XPO7: variants seen among roughly 807,000 people sequenced by gnomAD.
The protein encoded by XPO7 is exportin 7.
In XPO7, 21 loss-of-function variants were observed where a neutral mutation model predicts 144.3. The observed-to-expected ratio is 0.15, with a 90% CI of 0.10 to 0.21. The LOEUF (loss-of-function observed/expected upper bound fraction) is 0.21, where lower values mean the gene tolerates loss of function less well. Ranked by LOEUF, XPO7 falls within the 10% of genes least tolerant of loss-of-function variation. The probability of loss-of-function intolerance (pLI) is 1.00; values close to 1 mark genes in which losing one functional copy is unlikely to be tolerated. For synonymous variants in XPO7, 580 were observed against 499.6 expected (o/e 1.16, Z -2.15); for missense variants, 808 against 1,325.8 (o/e 0.61, Z 6.06).
intron 1 of XPO7, among the ~76,000 whole-genome samples, chr8:21,932,844 G>A (rs1385486711): frequency 1.3e-5 from 2 of 152,156 alleles, no homozygotes; most frequent in African/African-American, 4.8e-5. Flanking sequence ...GTGTATACAT[G>A]AGTAAATAAC....
At chr8:21,999,042 C>T (rs1398784402) in intron 22 of XPO7, 49 bp from the exon 23 acceptor site, 17 of 1,603,216 alleles carry the variant, frequency 1.1e-5, no homozygotes, top group East Asian at 2.2e-5. Flanking sequence ...CTGATCTAAA[C>T]GAGCGCTTCT....
chr8:21,990,737 TTC>T, intron 17 of XPO7, 72 bp from the exon 18 acceptor site: 1 of 1,451,628 alleles, frequency 6.9e-7, no homozygotes, highest in Non-Finnish European at 9.6e-7. Context: ...GGCTCAGTAA[TTC>T]TCTGATTACT....
chr8:21,920,033 C>T (rs921441968), intron 1 of XPO7, among the ~76,000 whole-genome samples: 3 of 151,586 alleles, frequency 2.0e-5, no homozygotes, highest in Non-Finnish European at 2.9e-5. Flanking sequence ...GGGACAGGAA[C>T]GGGCATCCCG....
intron 1 of XPO7, among the ~76,000 whole-genome samples, chr8:21,942,593 C>T (rs952921271): frequency 3.3e-5 from 5 of 152,108 alleles, no homozygotes; most frequent in Admixed American, 1.3e-4. Context: ...ACATAGATAA[C>T]GTAGTTTGAA....
chr8:21,985,065 C>T (rs966170193), intron 12 of XPO7, among the ~76,000 whole-genome samples: 2 of 98,372 alleles, frequency 2.0e-5, no homozygotes, highest in African/African-American at 5.3e-5. Context: ...GATGAGGTCT[C>T]GCTATGTTGC....
At chr8:21,973,757 C>G (rs981896471) in intron 5 of XPO7, among the ~76,000 whole-genome samples, 9 of 152,156 alleles carry the variant, frequency 5.9e-5, no homozygotes, top group Admixed American at 3.3e-4. Context: ...TTATTTTATT[C>G]CACATATTGA....
chr8:21,960,402 C>G (rs1484794445), intron 1 of XPO7, among the ~76,000 whole-genome samples: 1 of 152,194 alleles, frequency 6.6e-6, no homozygotes, highest in Admixed American at 6.5e-5. Context: ...CTGGTGAGCA[C>G]TTAAGAGAAT....
At chr8:21,934,442 A>G (rs557725824) in intron 1 of XPO7, among the ~76,000 whole-genome samples, 16 of 152,270 alleles carry the variant, frequency 1.1e-4, no homozygotes, top group African/African-American at 3.9e-4. Flanking sequence ...CTGAGGCAGG[A>G]GAATCACTTG....
chr8:21,966,356 T>G (rs1229310985), intron 1 of XPO7: 3 of 778,194 alleles, frequency 3.9e-6, no homozygotes, highest in Non-Finnish European at 7.2e-6. Context: ...GGTTTTCTCG[T>G]ACAGGTGACC....
intron 1 of XPO7, among the ~76,000 whole-genome samples, chr8:21,922,894 T>C (rs1810335428): frequency 2.0e-5 from 3 of 152,290 alleles, no homozygotes; most frequent in Middle Eastern, 3.4e-3. Context: ...GTAGTCATAG[T>C]TTGTTTTAAA....
intron 1 of XPO7, among the ~76,000 whole-genome samples, chr8:21,954,448 G>A (rs1054973814): frequency 4.5e-4 from 69 of 152,052 alleles, no homozygotes; most frequent in Non-Finnish European, 2.6e-4. Context: ...AGCCTGACCA[G>A]CATGGTGAAA....
chr8:21,938,087 CAG>C (rs561212403), intron 1 of XPO7, among the ~76,000 whole-genome samples: 5 of 151,938 alleles, frequency 3.3e-5, no homozygotes, highest in South Asian at 2.1e-4. Flanking sequence ...TTTAATGTAA[CAG>C]ATATTAACAA....
chr8:21,987,363 A>C, intron 14 of XPO7, 87 bp downstream of exon 14: 1 of 1,560,230 alleles, frequency 6.4e-7, no homozygotes, highest in Non-Finnish European at 8.8e-7. Flanking sequence ...GATAGTTCAC[A>C]TAACCTCCAG....
chr8:21,977,649 A>G (rs1812270218), intron 7 of XPO7, 121 bp from the exon 8 acceptor site: 2 of 908,078 alleles, frequency 2.2e-6, no homozygotes, highest in African/African-American at 1.7e-5. Flanking sequence ...TCCAAAGGAA[A>G]TAAATACTCT....
At chr8:21,996,632 C>T (rs1812958211) in intron 21 of XPO7, among the ~76,000 whole-genome samples, 1 of 151,968 alleles carries the variant, frequency 6.6e-6, no homozygotes, top group Admixed American at 6.6e-5. Context: ...GTGGCAGGAT[C>T]AATAAAAATT....
intron 10 of XPO7, 108 bp downstream of exon 10, chr8:21,981,985 A>T (rs1166238891): frequency 4.9e-6 from 7 of 1,417,636 alleles, no homozygotes; most frequent in Non-Finnish European, 6.8e-6. Flanking sequence ...GGTAACCATA[A>T]GTCCAGTATA....
rs1255695035 is a variant in XPO7 at position 21,999,147 on chromosome 8, C to T, written c.2485C>T (p.Leu829Phe). 1 of 1,613,836 alleles carries T rather than the reference C, an allele frequency of 6.2e-7. No individual in the cohort carries two copies. Among genetic ancestry groups the T allele is most frequent in the African/African-American group, 1.3e-5 (1 of 74,906 alleles). Residue 829 changes from leucine (L) to phenylalanine (F), a missense_variant, in exon 23 of 28, where the codon CTC (leucine) becomes TTC (phenylalanine). Physicochemically the swap from Leu to Phe is conservative, Grantham distance 22. This residue lies in a region of XPO7 where 416 missense variants were observed against 612.5 expected (regional missense o/e 0.68). Transcript: ENST00000252512. ...VPKDQVYALK[L>F]KGISICFSML... ...AAAGGATCAGGTCTATGCTCTGAAG[C>T]TCAAGGGCATCTCCATCTGCTTCTC...
chr8:21,963,682 G>C (rs1269648445), intron 1 of XPO7, among the ~76,000 whole-genome samples: 1 of 140,486 alleles, frequency 7.1e-6, no homozygotes, highest in African/African-American at 2.8e-5. Context: ...GCGACAGAGT[G>C]AGACTCCGTC....
At chr8:21,958,388 A>T (rs2117306021) in intron 1 of XPO7, among the ~76,000 whole-genome samples, 2 of 152,346 alleles carry the variant, frequency 1.3e-5, no homozygotes, top group Admixed American at 1.3e-4. Context: ...TTGTTTAAAG[A>T]TATTTTAAAC....
Sources: allele counts gnomAD v4.1 joint callset (sites outside exome capture counted in the v4.1 genomes callset), GRCh38; gene constraint gnomAD v4.1.1; regional missense constraint gnomAD v4.1.1; transcripts MANE v1.5; gene names NCBI Gene and HGNC (gene_info 2026-07-23, HGNC 2026-07-21).